Variants in NCAN observed in about 807,000 individuals in gnomAD.
NCAN encodes neurocan core protein.
In NCAN, 47 loss-of-function variants were observed where a neutral mutation model predicts 121.8. The ratio of observed to expected loss-of-function variants is 0.39; its 90% confidence interval spans 0.31 to 0.49. The LOEUF (loss-of-function observed/expected upper bound fraction) is 0.49, where lower values mean the gene tolerates loss of function less well. Among genes scored for constraint, NCAN ranks in the 20% least tolerant of loss-of-function variants. The probability of loss-of-function intolerance (pLI) is 0.92; values close to 1 mark genes in which losing one functional copy is unlikely to be tolerated. For synonymous variants in NCAN, 633 were observed against 702.0 expected (o/e 0.90, Z 1.55); for missense variants, 1,517 against 1,773.4 (o/e 0.86, Z 2.60).
rs769228339 is a variant in NCAN, at chr19:19,240,670, G to A, written c.3477G>A (p.Thr1159=). Residue 1159 remains threonine, a synonymous_variant, in exon 12 of 15, where the codon ACG becomes ACA. Transcript: ENST00000252575. ...TCGTGGAGAGAGATTTCCAGTGGAC[G>A]GACAACACCGGGCTGGTGAGTGGCA... ...DRIVERDFQW[T]DNTGLQFENW... 2.1e-5 allele frequency: 34 copies of A among 1,613,974 alleles called. No homozygotes were observed. The highest frequency in any genetic ancestry group is 7.7e-5 in the South Asian group (7 of 91,092).
rs199857776 is a variant in NCAN at position 19,244,025 on chromosome 19, AC to A, written c.3493-1287del. On this transcript the variant is annotated intron_variant, in intron 12 of 14. Transcript: ENST00000252575. ...CAGCCTGGGCTCTGTCTCAAACAAA[AC>A]AAAACAAAACAAAACAAAAATGGTT... 6.1e-3 allele frequency among the ~76,000 whole-genome samples: 924 copies of A among 152,038 alleles called. 13 individuals carry two copies. The highest frequency in any genetic ancestry group is 0.021 in the African/African-American group (866 of 41,326).
intron 3 of NCAN, 73 bp from the exon 4 acceptor site, chr19:19,223,948 G>C (rs747402997): frequency 1.9e-5 from 27 of 1,413,250 alleles, no homozygotes; most frequent in Non-Finnish European, 2.5e-5. Context: ...GAGTCATTCT[G>C]CAAGAGGTAG....
intron 13 of NCAN, 56 bp from the exon 14 acceptor site, chr19:19,248,644 A>AACT: frequency 6.5e-7 from 1 of 1,530,444 alleles, no homozygotes; most frequent in Non-Finnish European, 8.9e-7. Context: ...CAACAACAAC[A>AACT]ACTAGTTTAG....
chr19:19,246,319 T>C (rs114577313), intron 13 of NCAN, among the ~76,000 whole-genome samples: 2,415 of 152,098 alleles, frequency 0.016, 72 homozygotes, highest in African/African-American at 0.055. Flanking sequence ...ATTACAAGCA[T>C]GAGCCACTGC....
At chr19:19,236,070 T>C (rs960688268) in intron 10 of NCAN, among the ~76,000 whole-genome samples, 1 of 152,206 alleles carries the variant, frequency 6.6e-6, no homozygotes, top group Non-Finnish European at 1.5e-5. Context: ...TACATTTCAG[T>C]GGCATTCTGT....
Position 19,248,847 on chromosome 19 carries a change from G to T in NCAN, c.3785G>T (p.Gly1262Val). ...HVATIRCRSN[G>V]KWDRPQIVCT... The stretch of plus-strand genomic sequence containing the variant: ...GCCACCATTCGATGCCGGAGCAATG[G>T]CAAGTGGGACAGGCCCCAAATTGTC... Residue 1262 changes from glycine (G) to valine (V), a missense_variant, in exon 14 of 15, where the codon GGC (glycine) becomes GTC (valine). Physicochemically the swap from Gly to Val is moderately radical, Grantham distance 109. Transcript: ENST00000252575. The T allele has an allele frequency of 2.5e-6, 4 of 1,614,232 alleles. No individual in the cohort carries two copies. Among genetic ancestry groups the T allele is most frequent in the Non-Finnish European group, 3.4e-6 (4 of 1,180,046 alleles).
chr19:19,220,141 G>A (rs1396095721), intron 3 of NCAN, among the ~76,000 whole-genome samples: 1 of 151,984 alleles, frequency 6.6e-6, no homozygotes, highest in Non-Finnish European at 1.5e-5. Flanking sequence ...CAATATCTAG[G>A]CAGGATTTTT....
chr19:19,226,021 C>T (rs1242283922), intron 6 of NCAN, among the ~76,000 whole-genome samples: 1 of 151,508 alleles, frequency 6.6e-6, no homozygotes, highest in African/African-American at 2.4e-5. Context: ...CCTCCACCTC[C>T]CTTGTTCAAG....
intron 8 of NCAN, among the ~76,000 whole-genome samples, chr19:19,230,242 A>G (rs528714323): frequency 2.6e-5 from 4 of 151,892 alleles, no homozygotes; most frequent in Admixed American, 6.6e-5. Context: ...ACAAGGCTTC[A>G]CCATGTTGGC....
At chr19:19,245,555 A>AACCT in intron 13 of NCAN, 98 bp downstream of exon 13, 2 of 1,385,902 alleles carry the variant, frequency 1.4e-6, no homozygotes, top group Non-Finnish European at 2.0e-6. Context: ...ATGGCTCATC[A>AACCT]CAGCCTCCAC....
At chr19:19,248,108 A>G (rs2060931668) in intron 13 of NCAN, among the ~76,000 whole-genome samples, 1 of 152,104 alleles carries the variant, frequency 6.6e-6, no homozygotes, top group Admixed American at 6.6e-5. Flanking sequence ...TGATTGTGCC[A>G]CTGCACTCCA....
At chr19:19,232,284 C>T (rs535747677) in intron 8 of NCAN, among the ~76,000 whole-genome samples, 2 of 152,286 alleles carry the variant, frequency 1.3e-5, no homozygotes, top group South Asian at 2.1e-4. Flanking sequence ...ACCCACCCGC[C>T]GCTTGCAGAA....
chr19:19,218,884 T>G, intron 2 of NCAN, 31 bp from the exon 3 acceptor site: 1 of 1,470,950 alleles, frequency 6.8e-7, no homozygotes, highest in Non-Finnish European at 9.0e-7. Flanking sequence ...TGCCTCTGAA[T>G]CAGGCCCTCT....
chr19:19,243,137 T>C (rs1170990335), intron 12 of NCAN, among the ~76,000 whole-genome samples: 2 of 151,592 alleles, frequency 1.3e-5, no homozygotes, highest in Non-Finnish European at 2.9e-5. Flanking sequence ...AGGAAGTAGA[T>C]TAGTGTTTGC....
In NCAN at chr19:19,233,775, C is replaced by T. The variant is rs1030266783; in HGVS notation, c.3020-14C>T. On this transcript the variant is annotated splice_polypyrimidine_tract_variant and intron_variant, in intron 8 of 14. Coordinates refer to ENST00000252575, the MANE Select transcript of NCAN (RefSeq NM_004386.3). ...TGGCCTGACTCTTCCCCACACTACC[C>T]ATCCATCCTGCAGTGCACTCAGATC... is the stretch of plus-strand genomic sequence containing the variant. 4 of 1,535,206 alleles carry T rather than the reference C, an allele frequency of 2.6e-6. No individual in the cohort carries two copies. The highest frequency in any genetic ancestry group is 3.6e-6 in the Non-Finnish European group (4 of 1,108,340).
At chr19:19,216,384 T>C (rs1353322060) in intron 1 of NCAN, among the ~76,000 whole-genome samples, 1 of 151,894 alleles carries the variant, frequency 6.6e-6, no homozygotes, top group Admixed American at 6.6e-5. Flanking sequence ...TGATCTCGGC[T>C]CACTGCAACC....
chr19:19,226,383 CA>C, intron 6 of NCAN, 102 bp from the exon 7 acceptor site: 1 of 944,258 alleles, frequency 1.1e-6, no homozygotes, highest in Non-Finnish European at 1.6e-6. Context: ...CAGAGGTACA[CA>C]GAAGGCTTAT....
chr19:19,243,185 C>G (rs1444163022), intron 12 of NCAN, among the ~76,000 whole-genome samples: 1 of 151,280 alleles, frequency 6.6e-6, no homozygotes, highest in Non-Finnish European at 1.5e-5. Context: ...GTCACTAGTG[C>G]TCAATGAGTA....
At chr19:19,233,633 A>G (rs1288634496) in intron 8 of NCAN, among the ~76,000 whole-genome samples, 156 bp from the exon 9 acceptor site, 1 of 152,150 alleles carries the variant, frequency 6.6e-6, no homozygotes, top group Admixed American at 6.5e-5. Flanking sequence ...CAGGGGTCAT[A>G]TGGGAGGGAG....
Sources: allele counts gnomAD v4.1 joint callset (sites outside exome capture counted in the v4.1 genomes callset), GRCh38; gene constraint gnomAD v4.1.1; transcripts MANE v1.5; gene names NCBI Gene and HGNC (gene_info 2026-07-23, HGNC 2026-07-21).